The following MAN2B1 variants were observed in gnomAD, a reference collection of about 807,000 sequenced individuals.
MAN2B1 encodes mannosidase alpha class 2B member 1.
In MAN2B1, 99 loss-of-function variants were observed where a neutral mutation model predicts 127.5. The ratio of observed to expected loss-of-function variants is 0.78; its 90% CI spans 0.66 to 0.92. The LOEUF (loss-of-function observed/expected upper bound fraction) is 0.92. Ranked by LOEUF, MAN2B1 falls within the 40% of genes least tolerant of loss-of-function variation. MAN2B1 has a pLI of 0.00. For missense variants in MAN2B1, 1,304 were observed against 1,384.8 expected, an observed-to-expected ratio of 0.94 and a Z score of 0.93; for synonymous variants, 573 against 568.8, an observed-to-expected ratio of 1.01 and a Z score of -0.11.
At position 12,652,389 on chromosome 19, in the gene MAN2B1, C is replaced by G; in HGVS notation, c.1902G>C (p.Leu634=). The stretch of plus-strand genomic sequence containing the variant: ...AGAAGAAGGTCTGGCGAACAGGCAG[C>G]AGGAGTTGCTGATTCATGTTCATAA... ...MEIMNMNQQL[L]LPVRQTFFWY... The change falls in exon 15 of 24, where the codon CTG becomes CTC. Residue 634 remains leucine (L), a synonymous_variant. Coordinates refer to ENST00000456935, the MANE Select transcript of MAN2B1 (RefSeq NM_000528.4). The G allele has an allele frequency of 6.2e-7, 1 of 1,614,138 alleles. No individual in the cohort carries two copies. The highest frequency in any genetic ancestry group is 8.5e-7 in the Non-Finnish European group (1 of 1,180,030).
chr19:12,652,755 C>A (rs1291561587), intron 14 of MAN2B1, among the ~76,000 whole-genome samples: 1 of 151,936 alleles, frequency 6.6e-6, no homozygotes, highest in Non-Finnish European at 1.5e-5. Context: ...TGGTCTCAAA[C>A]CCCTGAACTC....
At chr19:12,661,907 T>G (rs1568306201) in intron 6 of MAN2B1, among the ~76,000 whole-genome samples, 1 of 152,036 alleles carries the variant, frequency 6.6e-6, no homozygotes, top group Non-Finnish European at 1.5e-5. Flanking sequence ...TGAAGTGACG[T>G]GATCTCGGCT....
rs864621992 is a variant in MAN2B1, at chr19:12,658,474, T to G, written c.1063A>C (p.Thr355Pro). ...KGSSVHVLYS[T>P]PACYLWELNK... ...AGCTCCCAGAGGTAACAAGCGGGGG[T>G]GGAGTAGAGAACATGGACACTGCTT... The change falls in exon 8 of 24, where the codon ACC (threonine) becomes CCC (proline). Residue 355 changes from threonine to proline, a missense_variant. Thr to Pro is a conservative substitution (Grantham distance 38, BLOSUM62 -1). Coordinates refer to ENST00000456935, the MANE Select transcript of MAN2B1 (RefSeq NM_000528.4). 1.2e-6 allele frequency: 2 copies of G among 1,613,316 alleles called. No individual in the cohort carries two copies. The highest frequency in any genetic ancestry group is 1.7e-6 in the Non-Finnish European group (2 of 1,179,878).
chr19:12,661,540 G>A (rs931209513), intron 6 of MAN2B1, among the ~76,000 whole-genome samples, 164 bp from the exon 7 acceptor site: 3 of 152,170 alleles, frequency 2.0e-5, no homozygotes, highest in South Asian at 4.1e-4. Context: ...ACCAGTTGTT[G>A]AGCAGTTCTC....
In MAN2B1 at chr19:12,647,103, G is replaced by T; in HGVS notation, c.2923+130C>A. The T allele has an allele frequency of 1.2e-6, 1 of 863,624 alleles. No homozygotes were observed. Among genetic ancestry groups the T allele is most frequent in the Non-Finnish European group, 1.9e-6 (1 of 517,358 alleles). The allele number at this position is 863,624 out of a possible 1,614,324, so 53.5% of individuals were successfully genotyped here. A position where few individuals can be genotyped will look rare whatever the true frequency, so the allele number is the denominator to read the frequency against. ...CAGATCCTTTAAGCCCCTAACCTGG[G>T]TCTGGACTCTGCCCCATACCCTCAT... On this transcript the variant is annotated intron_variant, in intron 23 of 23. Coordinates refer to ENST00000456935, the MANE Select transcript of MAN2B1 (RefSeq NM_000528.4). The surrounding 1 kb of genome is among the most constrained non-coding windows in gnomAD (Gnocchi z 4.9).
chr19:12,662,931 C>CTT (rs1402460182), intron 6 of MAN2B1, among the ~76,000 whole-genome samples: 1 of 108,872 alleles, frequency 9.2e-6, no homozygotes, highest in Non-Finnish European at 1.9e-5. Flanking sequence ...GAGCAAGACT[C>CTT]TGTCTCAAAA....
intron 18 of MAN2B1, 49 bp from the exon 19 acceptor site, chr19:12,649,477 C>CTTTTGTTTTTTTTTTTTT (rs2023785872): frequency 3.1e-6 from 1 of 323,654 alleles, no homozygotes; most frequent in African/African-American, 6.5e-5. Context: ...CTCCCCAACT[C>CTTTTGTTTTTTTTTTTTT]TTTTTTTTTT....
At chr19:12,663,510 C>T in intron 5 of MAN2B1, 48 bp from the exon 6 acceptor site, 2 of 1,607,474 alleles carry the variant, frequency 1.2e-6, no homozygotes, top group East Asian at 4.5e-5. Context: ...CCAGACCTTC[C>T]CTGGTTTCAA....
intron 14 of MAN2B1, among the ~76,000 whole-genome samples, chr19:12,654,345 C>G (rs973960537): frequency 1.3e-5 from 2 of 152,054 alleles, no homozygotes; most frequent in African/African-American, 4.8e-5. Context: ...CCCGGCCCCC[C>G]CAACCTTATT....
At chr19:12,656,853 C>T (rs778707895) in intron 12 of MAN2B1, 96 bp downstream of exon 12, 206 of 1,142,910 alleles carry the variant, frequency 1.8e-4, no homozygotes, top group Non-Finnish European at 2.6e-4. Context: ...TCGCAGCCCA[C>T]GTAATTTCAC....
In MAN2B1 at chr19:12,647,214, C is replaced by A; in HGVS notation, c.2923+19G>T. 1 of 1,605,046 alleles carries A rather than the reference C, an allele frequency of 6.2e-7. No homozygotes were observed. Among genetic ancestry groups the A allele is most frequent in the Non-Finnish European group, 8.5e-7 (1 of 1,171,844 alleles). On this transcript the variant is annotated intron_variant, in intron 23 of 23. Transcript: ENST00000456935. The surrounding 1 kb of genome is among the most constrained non-coding windows in gnomAD (Gnocchi z 4.9). ...CAGGTAAGACTCCACCCCTTCCCTACCCCTGACCAGGGCCCCACCTGTGTT... is the reference window on the plus strand; with the variant it reads ...CAGGTAAGACTCCACCCCTTCCCTAACCCTGACCAGGGCCCCACCTGTGTT...
rs2023967508 is a variant in MAN2B1 at position 12,656,647 on chromosome 19, T to G, written c.1568A>C (p.Asn523Thr). The G allele has an allele frequency of 4.3e-6, 7 of 1,613,812 alleles. No individual in the cohort carries two copies. The highest frequency in any genetic ancestry group is 5.9e-6 in the Non-Finnish European group (7 of 1,179,944). Residue 523 changes from asparagine to threonine, a missense_variant, in exon 13 of 24, where the codon AAT (asparagine) becomes ACT (threonine). Coordinates refer to ENST00000456935, the MANE Select transcript of MAN2B1 (RefSeq NM_000528.4). Reference sequence around the variant, plus strand: ...GCTGACCGGCAGCCGTACCATCCAATTCACCTTCCGCCCCAGGGGATTATA... The same window carrying G: ...GCTGACCGGCAGCCGTACCATCCAAGTCACCTTCCGCCCCAGGGGATTATA... ...IVYNPLGRKVNWMVRLPVSEG... is the reference protein window; with the variant it reads ...IVYNPLGRKVTWMVRLPVSEG...
rs930032324 is a variant in MAN2B1 at position 12,652,289 on chromosome 19, A to G, written c.1929-19T>C. 3 of 1,610,962 alleles carry G rather than the reference A, an allele frequency of 1.9e-6. No homozygotes were observed. The highest frequency in any genetic ancestry group is 2.7e-5 in the African/African-American group (2 of 74,962). ...GTTGTACCTGGAGTTGGGGCAGGTGAGAGTCAGGTAAGGGGCCCTAGCTCC... is the reference window on the plus strand; with the variant it reads ...GTTGTACCTGGAGTTGGGGCAGGTGGGAGTCAGGTAAGGGGCCCTAGCTCC... On this transcript the variant is annotated intron_variant, in intron 15 of 23. Transcript: ENST00000456935.
In MAN2B1 at chr19:12,660,177, CAGAT is replaced by C. The variant is rs537014297; in HGVS notation, c.1026+1079_1026+1082del. On this transcript the variant is annotated intron_variant, in intron 7 of 23. Transcript: ENST00000456935. ...CATGGCAAAAGGGGAATTAAGGTTG[CAGAT>C]GGAATTGAGGTTGTTCATCAGCCAA... 7.3e-3 allele frequency among the ~76,000 whole-genome samples: 1,108 copies of C among 152,266 alleles called. 5 individuals are homozygous for C. The highest frequency in any genetic ancestry group is 0.02 in the Middle Eastern group (6 of 294).
chr19:12,658,473 G>GTGC lies in MAN2B1; in HGVS notation c.1063_1064insGCA (p.Ser354dup). Reference sequence around the variant, plus strand: ...CAGCTCCCAGAGGTAACAAGCGGGGGTGGAGTAGAGAACATGGACACTGCT... The same window carrying GTGC: ...CAGCTCCCAGAGGTAACAAGCGGGGGTGCTGGAGTAGAGAACATGGACACTGCT... On this transcript the variant is annotated inframe_insertion, in exon 8 of 24. Coordinates refer to ENST00000456935, the MANE Select transcript of MAN2B1 (RefSeq NM_000528.4). 6.2e-7 allele frequency: 1 copy of GTGC among 1,614,222 alleles called. No homozygotes were observed. Among genetic ancestry groups the GTGC allele is most frequent in the East Asian group, 2.2e-5 (1 of 44,886 alleles).
intron 12 of MAN2B1, 48 bp downstream of exon 12, chr19:12,656,901 C>A (rs979106044): frequency 4.2e-6 from 6 of 1,436,472 alleles, no homozygotes; most frequent in East Asian, 2.3e-5. Context: ...CCAACTACCC[C>A]CTCTAAAGCC....
In MAN2B1 at chr19:12,665,630, C is replaced by T. The variant is rs571792012; in HGVS notation, c.262+73G>A. 7.6e-6 allele frequency: 12 copies of T among 1,587,406 alleles called. No homozygotes were observed. In the South Asian group the frequency reaches 1.3e-4, roughly 18 times the overall value. On this transcript the variant is annotated intron_variant, in intron 2 of 23. Coordinates refer to ENST00000456935, the MANE Select transcript of MAN2B1 (RefSeq NM_000528.4). ...GATATTAGGGTAGCACTGGCCCCAC[C>T]CTAATGTCCAGGACCCAGAGGGATT...
rs772053358 is a variant in MAN2B1, at chr19:12,665,725, G to A, written c.240C>T (p.Thr80=). ...CACTTCCATAAAAGTACTGGTCCAC[G>A]GTTTTGAGCCAGCCCACGTCATCAT... ...HTHDDVGWLK[T]VDQYFYGIKN... Residue 80 remains threonine, a synonymous_variant, in exon 2 of 24, where the codon ACC becomes ACT. Coordinates refer to ENST00000456935, the MANE Select transcript of MAN2B1 (RefSeq NM_000528.4). 6.2e-7 allele frequency: 1 copy of A among 1,614,174 alleles called. No individual in the cohort carries two copies. The highest frequency in any genetic ancestry group is 2.2e-5 in the East Asian group (1 of 44,890).
chr19:12,662,513 C>G (rs2024132110), intron 6 of MAN2B1, among the ~76,000 whole-genome samples: 1 of 152,016 alleles, frequency 6.6e-6, no homozygotes, highest in Non-Finnish European at 1.5e-5. Context: ...ACCTGTAATC[C>G]CAGCTACTCG....
Sources: allele counts gnomAD v4.1 joint callset (sites outside exome capture counted in the v4.1 genomes callset), GRCh38; gene constraint gnomAD v4.1.1; non-coding constraint Gnocchi (gnomAD v3.1); transcripts MANE v1.5; gene names NCBI Gene and HGNC (gene_info 2026-07-23, HGNC 2026-07-21).